The following ZC3H12B variants were observed in gnomAD, a reference collection of about 807,000 sequenced individuals.
ZC3H12B encodes probable ribonuclease ZC3H12B.
A neutral mutation model predicts 43.9 loss-of-function variants in ZC3H12B; 7 were observed. The observed-to-expected ratio is 0.16, with a 90% CI of 0.09 to 0.30. The LOEUF (loss-of-function observed/expected upper bound fraction) is 0.30. Among genes scored for constraint, ZC3H12B ranks in the 10% least tolerant of loss-of-function variants. The probability of loss-of-function intolerance (pLI) is 1.00; values close to 1 mark genes in which losing one functional copy is unlikely to be tolerated. For missense variants in ZC3H12B, 475 were observed against 670.2 expected (o/e 0.71, Z 3.22); for synonymous variants, 222 against 241.7 (o/e 0.92, Z 0.76).
intron 3 of ZC3H12B, among the ~76,000 whole-genome samples, chrX:65,425,575 C>T (rs184871421): frequency 9.0e-6 from 1 of 111,252 alleles, no homozygotes; most frequent in East Asian, 2.8e-4. Flanking sequence ...TTTGCCCATT[C>T]CGTATGATAT....
At chrX:65,471,945 C>T (rs1022158726) in intron 3 of ZC3H12B, among the ~76,000 whole-genome samples, 3 of 111,514 alleles carry the variant, frequency 2.7e-5, no homozygotes, top group South Asian at 3.7e-4. Flanking sequence ...GGTATCCTGG[C>T]GCATATCTAT....
chrX:65,311,127 A>G, the ZC3H12B span, among the ~76,000 whole-genome samples: 1 of 112,235 alleles, frequency 8.9e-6, no homozygotes, highest in African/African-American at 3.2e-5. Flanking sequence ...AATGGCAACA[A>G]AGGCCAAAAT....
chrX:65,237,208 C>A, the ZC3H12B span, among the ~76,000 whole-genome samples: 1 of 111,533 alleles, frequency 9.0e-6, no homozygotes, highest in East Asian at 2.8e-4. Flanking sequence ...TTGTTTGTGT[C>A]CTCTCTGATT....
chrX:65,109,199 A>C, the ZC3H12B span, among the ~76,000 whole-genome samples: 2 of 111,701 alleles, frequency 1.8e-5, no homozygotes, highest in African/African-American at 6.5e-5. Context: ...ACCTTTACTG[A>C]GATATAATTT....
Position 65,492,124 on chromosome X carries a change from T to TTTTTG in ZC3H12B, c.608+2731_608+2735dup, listed in dbSNP as rs1302915804. On this transcript the variant is annotated intron_variant, in intron 1 of 4. Transcript: ENST00000338957. ...ACCTGATTCCCAAGGCCTACCATTT[T>TTTTTG]TTTTGTTTTGTTTTGTTTTGGTTTG... is the stretch of plus-strand genomic sequence containing the variant. 2.0e-3 allele frequency among the ~76,000 whole-genome samples: 220 copies of TTTTTG among 110,329 alleles called. 2 individuals carry two copies. Among genetic ancestry groups the TTTTTG allele is most frequent in the African/African-American group, 7.0e-3 (210 of 29,799 alleles).
chrX:65,225,096 C>A, the ZC3H12B span, among the ~76,000 whole-genome samples: 4 of 111,908 alleles, frequency 3.6e-5, no homozygotes, highest in Admixed American at 3.8e-4. Flanking sequence ...GACCCCTGAC[C>A]CCCGAGCAGC....
chrX:65,431,996 G>T (rs1196966921), intron 3 of ZC3H12B, among the ~76,000 whole-genome samples: 1 of 111,967 alleles, frequency 8.9e-6, no homozygotes, highest in East Asian at 2.8e-4. Flanking sequence ...TGTAATCCAT[G>T]CCTGAGTCTT....
chrX:65,125,920 T>A, the ZC3H12B span, among the ~76,000 whole-genome samples: 1 of 111,227 alleles, frequency 9.0e-6, no homozygotes, highest in Non-Finnish European at 1.9e-5. Context: ...TTGTTATCTG[T>A]TCCTCCATTC....
intron 3 of ZC3H12B, among the ~76,000 whole-genome samples, chrX:65,454,238 A>G (rs1228095322): frequency 8.9e-6 from 1 of 112,316 alleles, no homozygotes; most frequent in African/African-American, 3.2e-5. Flanking sequence ...TCCCTTTCCT[A>G]GGGGTGACAG....
chrX:65,168,985 A>T, the ZC3H12B span, among the ~76,000 whole-genome samples: 7 of 111,143 alleles, frequency 6.3e-5, no homozygotes, highest in Admixed American at 6.7e-4. Flanking sequence ...CAAAAAAACA[A>T]ATCCTGGAGT....
the ZC3H12B span, among the ~76,000 whole-genome samples, chrX:65,236,479 TTC>T: frequency 5.4e-5 from 6 of 112,077 alleles, no homozygotes; most frequent in African/African-American, 1.9e-4. Flanking sequence ...AGCAAAAATT[TTC>T]TCTTTCTCTG....
intron 3 of ZC3H12B, among the ~76,000 whole-genome samples, chrX:65,398,930 A>G (rs1419371722): frequency 2.7e-5 from 3 of 111,976 alleles, no homozygotes; most frequent in Non-Finnish European, 5.6e-5. Flanking sequence ...TGGGGAAAGG[A>G]CTGTCTCTTC....
chrX:65,190,117 G>A, the ZC3H12B span, among the ~76,000 whole-genome samples: 2 of 110,682 alleles, frequency 1.8e-5, no homozygotes, highest in Non-Finnish European at 3.8e-5. Context: ...TGGGTATGCG[G>A]CATTATTTCT....
chrX:65,102,991 G>A, the ZC3H12B span, among the ~76,000 whole-genome samples: 5 of 111,474 alleles, frequency 4.5e-5, no homozygotes, highest in South Asian at 7.6e-4. Flanking sequence ...TCACAGGAGC[G>A]GGGTGAAATT....
At chrX:65,293,834 G>A in the ZC3H12B span, among the ~76,000 whole-genome samples, 1 of 111,264 alleles carries the variant, frequency 9.0e-6, no homozygotes, top group Non-Finnish European at 1.9e-5. Context: ...AATGAACAAA[G>A]CCTCCAAGAA....
At chrX:65,303,037 G>A in the ZC3H12B span, among the ~76,000 whole-genome samples, 6 of 112,008 alleles carry the variant, frequency 5.4e-5, no homozygotes, top group East Asian at 1.7e-3. Context: ...AAGGTTAAAT[G>A]TGAAGGTATA....
At chrX:65,485,784 T>C (rs962567895), upstream of ZC3H12B, among the ~76,000 whole-genome samples, 2 of 111,996 alleles carry the variant, frequency 1.8e-5, no homozygotes, top group African/African-American at 3.2e-5. Flanking sequence ...GCCCAGCAAA[T>C]TTTAACTCTT....
At chrX:65,244,496 G>A in the ZC3H12B span, among the ~76,000 whole-genome samples, 1 of 108,864 alleles carries the variant, frequency 9.2e-6, no homozygotes, top group South Asian at 4.0e-4. Flanking sequence ...TGTAATCCCA[G>A]TACCTTGGGA....
chrX:65,401,598 C>A (rs1027578321), intron 3 of ZC3H12B, among the ~76,000 whole-genome samples: 1 of 111,919 alleles, frequency 8.9e-6, no homozygotes, highest in East Asian at 2.8e-4. Flanking sequence ...GAAACACCAG[C>A]CAGCACAGTT....
Sources: gnomAD v4.1 joint callset for allele counts (sites outside exome capture counted in the v4.1 genomes callset) on GRCh38, gnomAD v4.1.1 for gene constraint, MANE v1.5 for transcripts, NCBI Gene and HGNC (gene_info 2026-07-23, HGNC 2026-07-21) for gene names.